The following LRP1B variants were observed in gnomAD, a reference collection of about 807,000 sequenced individuals.
The protein encoded by LRP1B is low-density lipoprotein receptor-related protein 1B.
LRP1B carries 217 observed loss-of-function variants against 556.6 expected under a neutral mutation model. The ratio of observed to expected loss-of-function variants is 0.39; its 90% CI spans 0.35 to 0.44. The LOEUF (loss-of-function observed/expected upper bound fraction) is 0.44, where lower values mean the gene tolerates loss of function less well. Ranked by LOEUF, LRP1B falls within the 20% of genes least tolerant of loss-of-function variation. The pLI is 1.00. For synonymous variants in LRP1B, 2,047 were observed against 1,865.8 expected (o/e 1.10, Z -2.50); for missense variants, 5,053 against 5,620.8 (o/e 0.90, Z 3.23).
intron 1 of LRP1B, among the ~76,000 whole-genome samples, chr2:141,911,113 A>T (rs1435603): frequency 0.058 from 8,862 of 152,124 alleles, 854 homozygotes; most frequent in African/African-American, 0.2. Context: ...TTTTAATACC[A>T]CTTAAGTATT....
chr2:140,795,187 A>C (rs1690261968), intron 32 of LRP1B, among the ~76,000 whole-genome samples: 1 of 152,178 alleles, frequency 6.6e-6, no homozygotes, highest in Non-Finnish European at 1.5e-5. Context: ...CTGTCTTTCT[A>C]AATCTCATCA....
intron 7 of LRP1B, among the ~76,000 whole-genome samples, chr2:141,111,037 A>G (rs13408315): frequency 0.02 from 2,983 of 152,330 alleles, 99 homozygotes; most frequent in African/African-American, 0.068. Flanking sequence ...GGCAAGGCGA[A>G]GAGCCAGCCA....
At chr2:142,123,041 C>T (rs951241923) in intron 1 of LRP1B, among the ~76,000 whole-genome samples, 2 of 152,006 alleles carry the variant, frequency 1.3e-5, no homozygotes, top group Non-Finnish European at 2.9e-5. Flanking sequence ...TCAAAGTTCT[C>T]TTTCTTGGCA....
chr2:141,978,267 A>G (rs1033001672), intron 1 of LRP1B, among the ~76,000 whole-genome samples: 1 of 152,038 alleles, frequency 6.6e-6, no homozygotes, highest in Non-Finnish European at 1.5e-5. Context: ...TTACTAAAAA[A>G]CCTAATGTGA....
chr2:141,176,824 GAGATATCTTTTA>G (rs1235885058), intron 7 of LRP1B, among the ~76,000 whole-genome samples: 2 of 151,972 alleles, frequency 1.3e-5, no homozygotes, highest in African/African-American at 4.8e-5. Flanking sequence ...CACCCAATTT[GAGATATCTTTTA>G]AAATAGAGGC....
At position 141,548,469 on chromosome 2, in the gene LRP1B, G is replaced by A. The variant is rs546382694; in HGVS notation, c.206-67936C>T. Among the ~76,000 whole-genome samples the A allele has an allele frequency of 7.7e-4, 117 of 152,306 alleles. 1 individual carries two copies. Among genetic ancestry groups the A allele is most frequent in the African/African-American group, 2.7e-3 (113 of 41,582 alleles). ...GCTTTGGAGCCATTTATCTGGCTTC[G>A]GAAATGCTTACTTGCTTGCTAGCTA... On this transcript the variant is annotated intron_variant, in intron 2 of 90. Transcript: ENST00000389484.
intron 1 of LRP1B, among the ~76,000 whole-genome samples, chr2:141,846,699 T>C (rs1035910979): frequency 6.6e-6 from 1 of 151,302 alleles, no homozygotes; most frequent in Non-Finnish European, 1.5e-5. Flanking sequence ...GTCTGAAAAA[T>C]CCATCAATAT....
At chr2:140,940,495 G>A (rs1179348475) in intron 20 of LRP1B, among the ~76,000 whole-genome samples, 1 of 152,124 alleles carries the variant, frequency 6.6e-6, no homozygotes, top group African/African-American at 2.4e-5. Context: ...GAAGTTTCAT[G>A]ATAACTTTAT....
At chr2:141,089,334 A>C (rs1052971908) in intron 7 of LRP1B, among the ~76,000 whole-genome samples, 3 of 152,194 alleles carry the variant, frequency 2.0e-5, no homozygotes, top group African/African-American at 7.2e-5. Context: ...AAATTTGTGT[A>C]ATTGTTAGGA....
At position 140,993,965 on chromosome 2, in the gene LRP1B, A is replaced by G. The variant is rs183868636; in HGVS notation, c.2644+30T>C. Reference sequence around the variant, plus strand: ...CACACTCAAAGACTCAGGAAAATACAATTTTTAGGTGACTTGGAAGAGAAC... The same window carrying G: ...CACACTCAAAGACTCAGGAAAATACGATTTTTAGGTGACTTGGAAGAGAAC... On this transcript the variant is annotated intron_variant, in intron 16 of 90. Coordinates refer to ENST00000389484, the MANE Select transcript of LRP1B (RefSeq NM_018557.3). The G allele has an allele frequency of 6.8e-6, 11 of 1,606,602 alleles. No individual in the cohort carries two copies. In the African/African-American group the frequency reaches 1.5e-4, roughly 22 times the overall value.
rs1475200427 is a variant in LRP1B at position 140,989,643 on chromosome 2, G to C, written c.2659C>G (p.Pro887Ala). Residue 887 changes from proline (P) to alanine (A), a missense_variant, in exon 17 of 91, where the codon CCT becomes GCT. Around this residue, in one of 5 missense-constraint regions of LRP1B, gnomAD observed 3,619 missense variants for 3,931.9 expected, o/e 0.92. Transcript: ENST00000389484. The stretch of plus-strand genomic sequence containing the variant: ...TTCTGGCATTTAAACTGATCATCAG[G>C]ACAGCTATGATTGACTGGGAGGGAG... ...DSVNCFNHSC[P>A]DDQFKCQNNR... 6.2e-7 allele frequency: 1 copy of C among 1,612,748 alleles called. No individual in the cohort carries two copies. Among genetic ancestry groups the C allele is most frequent in the Admixed American group, 1.7e-5 (1 of 59,934 alleles).
Position 141,201,780 on chromosome 2 carries a change from A to T in LRP1B, c.851-13197T>A, listed in dbSNP as rs544740584. On this transcript the variant is annotated intron_variant, in intron 6 of 90. Transcript: ENST00000389484. ...AGCTCTAATATACAATTAGAGAAGA[A>T]GATTCTGGACTGAATACTTTTAGTG... 4.6e-4 allele frequency among the ~76,000 whole-genome samples: 70 copies of T among 152,290 alleles called. No individual in the cohort carries two copies. In the South Asian group the frequency reaches 0.013, roughly 28 times the overall value.
rs370440129 is a variant in LRP1B, at chr2:141,473,144, G to T, written c.343+7252C>A. ...TTTAGCAATTATGCCTTATAAATCAGTGTTAAGAAGTCAGATGTCTGCAAA... is the reference window on the plus strand; with the variant it reads ...TTTAGCAATTATGCCTTATAAATCATTGTTAAGAAGTCAGATGTCTGCAAA... On this transcript the variant is annotated intron_variant, in intron 3 of 90. Transcript: ENST00000389484. Among the ~76,000 whole-genome samples, 5 of 147,274 alleles carry T rather than the reference G, an allele frequency of 3.4e-5. No homozygotes were observed. The East Asian group carries it at 5.9e-4, about 17-fold the overall frequency.
intron 3 of LRP1B, among the ~76,000 whole-genome samples, chr2:141,422,086 G>A (rs895411442): frequency 7.9e-5 from 12 of 152,166 alleles, no homozygotes; most frequent in Non-Finnish European, 1.8e-4. Flanking sequence ...CTTTTGCAAA[G>A]TGATACAATC....
At chr2:140,746,068 G>A (rs1688302788) in intron 35 of LRP1B, among the ~76,000 whole-genome samples, 1 of 152,082 alleles carries the variant, frequency 6.6e-6, no homozygotes, top group Non-Finnish European at 1.5e-5. Context: ...ATGACATAGG[G>A]TGGTTGTGAG....
chr2:140,431,776 TC>T (rs1481708907), intron 66 of LRP1B, among the ~76,000 whole-genome samples: 2 of 152,122 alleles, frequency 1.3e-5, no homozygotes, highest in African/African-American at 4.8e-5. Context: ...GACAAATGTT[TC>T]TTCTAACAAC....
At chr2:140,617,502 A>C (rs1306991661) in intron 41 of LRP1B, among the ~76,000 whole-genome samples, 1 of 151,990 alleles carries the variant, frequency 6.6e-6, no homozygotes, top group East Asian at 1.9e-4. Flanking sequence ...AAGTGGTAAG[A>C]AATTAATTTG....
intron 1 of LRP1B, among the ~76,000 whole-genome samples, chr2:142,074,607 A>G (rs1241164159): frequency 6.6e-6 from 1 of 152,002 alleles, no homozygotes; most frequent in Non-Finnish European, 1.5e-5. Context: ...TCCAGCTGGA[A>G]AACCACCCTT....
In LRP1B at chr2:141,254,595, T is replaced by A. The variant is rs2105340427; in HGVS notation, c.390A>T (p.Thr130=). 6.2e-7 allele frequency: 1 copy of A among 1,611,052 alleles called. No individual in the cohort carries two copies. The highest frequency in any genetic ancestry group is 1.1e-5 in the South Asian group (1 of 91,026). The change falls in exon 4 of 91, where the codon ACA becomes ACT. Residue 130 remains threonine (T), a synonymous_variant. Transcript: ENST00000389484. The part of the protein sequence containing the change: ...CQQLNCQYKC[T]MVRNSTRCYC... ...AACATCTTGTACTATTTCTGACCAT[T>A]GTACATTTATACTGACAATTCAGCT...
Sources: allele counts gnomAD v4.1 joint callset (sites outside exome capture counted in the v4.1 genomes callset), GRCh38; gene constraint gnomAD v4.1.1; regional missense constraint gnomAD v4.1.1; transcripts MANE v1.5; gene names NCBI Gene and HGNC (gene_info 2026-07-23, HGNC 2026-07-21).